HYDIN: variants seen among roughly 807,000 people sequenced by gnomAD.
HYDIN encodes the protein axonemal central pair apparatus protein HYDIN.
Under a neutral mutation model 403.9 loss-of-function variants are expected in HYDIN, and 132 were observed. That is an observed-to-expected ratio of 0.33 (90% CI 0.28 to 0.38). HYDIN has a LOEUF of 0.38. Ranked by LOEUF, HYDIN falls within the 10% of genes least tolerant of loss-of-function variation. The pLI is 1.00. For synonymous variants in HYDIN, 1,202 were observed against 1,891.7 expected, an observed-to-expected ratio of 0.64 and a Z score of 9.46; for missense variants, 2,827 against 5,009.5, an observed-to-expected ratio of 0.56 and a Z score of 13.15.
intron 1 of HYDIN, among the ~76,000 whole-genome samples, chr16:71,198,665 G>A (rs1466954976): frequency 6.6e-6 from 1 of 152,152 alleles, no homozygotes; most frequent in African/African-American, 2.4e-5. Flanking sequence ...CAGCTGTGGT[G>A]CAAAGTGAGA....
chr16:71,103,150 G>A (rs1176986148), intron 10 of HYDIN, among the ~76,000 whole-genome samples: 1 of 64,288 alleles, frequency 1.6e-5, no homozygotes, highest in Admixed American at 2.1e-4. Flanking sequence ...CTATTTCAGC[G>A]GAACCATGTC....
In HYDIN at chr16:71,024,589, C is replaced by G. The variant is rs572683188; in HGVS notation, c.3186+794G>C. On this transcript the variant is annotated intron_variant, in intron 21 of 85. Transcript: ENST00000393567. The stretch of plus-strand genomic sequence containing the variant: ...TGTCTGGTTCACTAGATTTCCAGTA[C>G]CAGCTCAATCCCCAACTCAGAACAG... 5.9e-3 allele frequency among the ~76,000 whole-genome samples: 831 copies of G among 140,786 alleles called. 10 individuals are homozygous for G. The highest frequency in any genetic ancestry group is 0.021 in the African/African-American group (794 of 37,068). 92.4% of individuals were successfully genotyped at this position (140,786 alleles called of 152,430 possible).
chr16:70,875,496 T>C (rs12103402), intron 62 of HYDIN, among the ~76,000 whole-genome samples: 2,517 of 138,710 alleles, frequency 0.018, no homozygotes, highest in African/African-American at 0.085. Flanking sequence ...ATATGAGACA[T>C]CAGCAGGCAT....
intron 18 of HYDIN, among the ~76,000 whole-genome samples, chr16:71,052,786 G>A (rs1199623904): frequency 7.3e-6 from 1 of 137,216 alleles, no homozygotes; most frequent in Non-Finnish European, 1.5e-5. Flanking sequence ...GGAGGTGGAA[G>A]GCTGCAGTGA....
In HYDIN at chr16:70,862,036, A is replaced by G. The variant is rs2039446744; in HGVS notation, c.11777+12T>C. 1 of 1,554,120 alleles carries G rather than the reference A, an allele frequency of 6.4e-7. No homozygotes were observed. Among genetic ancestry groups the G allele is most frequent in the Non-Finnish European group, 8.7e-7 (1 of 1,149,536 alleles). On this transcript the variant is annotated intron_variant, in intron 69 of 85. Transcript: ENST00000393567. ...TGCCAAGAAGGGTGTTGTGGCGAGC[A>G]CATTTTCTTACTGGCAGAAAAGGTT...
chr16:70,810,226 T>C (rs2035387857), intron 84 of HYDIN, among the ~76,000 whole-genome samples: 1 of 152,202 alleles, frequency 6.6e-6, no homozygotes, highest in Non-Finnish European at 1.5e-5. Context: ...CTGGGATCTC[T>C]ATGAATCTAA....
At chr16:70,994,001 C>T (rs2079444309) in intron 23 of HYDIN, among the ~76,000 whole-genome samples, 1 of 151,826 alleles carries the variant, frequency 6.6e-6, no homozygotes, top group African/African-American at 2.4e-5. Context: ...AATGAAAACA[C>T]AGGATTATCT....
chr16:71,032,421 T>C (rs1331582355), intron 18 of HYDIN, among the ~76,000 whole-genome samples: 1 of 151,886 alleles, frequency 6.6e-6, no homozygotes, highest in African/African-American at 2.4e-5. Context: ...AGAAGTCATC[T>C]GGATTTCTAC....
At chr16:71,184,004 T>G (rs1448130533) in intron 3 of HYDIN, among the ~76,000 whole-genome samples, 2 of 152,144 alleles carry the variant, frequency 1.3e-5, no homozygotes, top group African/African-American at 4.8e-5. Context: ...GAAAAGACCA[T>G]GTTCCCTCCA....
intron 10 of HYDIN, among the ~76,000 whole-genome samples, chr16:71,094,839 G>A (rs185055698): frequency 6.6e-6 from 1 of 152,188 alleles, no homozygotes; most frequent in Non-Finnish European, 1.5e-5. Flanking sequence ...TGTCAGCAAT[G>A]AGGGCAGATT....
At chr16:71,100,700 T>G (rs1283493194) in intron 10 of HYDIN, among the ~76,000 whole-genome samples, 1 of 152,182 alleles carries the variant, frequency 6.6e-6, no homozygotes, top group African/African-American at 2.4e-5. Context: ...GGATCTGCGG[T>G]AGGCTGAATA....
intron 22 of HYDIN, among the ~76,000 whole-genome samples, chr16:71,019,497 A>T (rs1344880819): frequency 1.3e-5 from 2 of 152,306 alleles, no homozygotes; most frequent in Non-Finnish European, 2.9e-5. Flanking sequence ...CTGGGCCTTT[A>T]ATCTTACCAC....
At chr16:71,007,032 C>T (rs539097286) in intron 23 of HYDIN, among the ~76,000 whole-genome samples, 3 of 148,070 alleles carry the variant, frequency 2.0e-5, no homozygotes, top group East Asian at 2.1e-4. Flanking sequence ...TCCTCTATCC[C>T]TCTCTTCTCT....
At chr16:70,888,185 A>G (rs1240442782) in intron 58 of HYDIN, among the ~76,000 whole-genome samples, 5 of 152,182 alleles carry the variant, frequency 3.3e-5, no homozygotes, top group African/African-American at 1.2e-4. Flanking sequence ...TAATTCTAAC[A>G]CCTCTCTCAT....
At chr16:70,890,213 C>A (rs1417751041) in intron 57 of HYDIN, among the ~76,000 whole-genome samples, 1 of 152,158 alleles carries the variant, frequency 6.6e-6, no homozygotes, top group Non-Finnish European at 1.5e-5. Context: ...GCCTAGAGAC[C>A]AGTTCACCTA....
At chr16:71,039,172 T>A (rs1228762063) in intron 18 of HYDIN, among the ~76,000 whole-genome samples, 7 of 151,846 alleles carry the variant, frequency 4.6e-5, no homozygotes, top group Non-Finnish European at 8.8e-5. Context: ...CAAGTGACCT[T>A]GCACTAATTT....
intron 45 of HYDIN, among the ~76,000 whole-genome samples, chr16:70,931,210 GTT>G (rs71387550): frequency 6.7e-3 from 397 of 59,324 alleles, no homozygotes; most frequent in Non-Finnish European, 8.0e-3. Context: ...TCTTTCTTCT[GTT>G]TTTTTTTTTT....
intron 6 of HYDIN, among the ~76,000 whole-genome samples, chr16:71,158,631 A>G (rs1217559278): frequency 7.1e-6 from 1 of 140,784 alleles, no homozygotes; most frequent in Non-Finnish European, 1.5e-5. Flanking sequence ...TTTAATGGGT[A>G]TTGTGAATGG....
chr16:71,043,357 T>C (rs1254852606), intron 18 of HYDIN, among the ~76,000 whole-genome samples: 1 of 150,892 alleles, frequency 6.6e-6, no homozygotes, highest in African/African-American at 2.4e-5. Flanking sequence ...ATTCCTTCAA[T>C]TATTTCTTGG....
Sources: gnomAD v4.1 joint callset for allele counts (sites outside exome capture counted in the v4.1 genomes callset) on GRCh38, gnomAD v4.1.1 for gene constraint, MANE v1.5 for transcripts, NCBI Gene and HGNC (gene_info 2026-07-23, HGNC 2026-07-21) for gene names.